The following NALF1 variants were observed in gnomAD, a reference collection of about 807,000 sequenced individuals.
NALF1 encodes NALCN channel auxiliary factor 1, also known as family with sequence similarity 155 member A.
In NALF1, 3 loss-of-function variants were observed where a neutral mutation model predicts 48.4. The observed-to-expected ratio is 0.06, with a 90% confidence interval of 0.03 to 0.16. The LOEUF (loss-of-function observed/expected upper bound fraction) is 0.16. Among genes scored for constraint, NALF1 ranks in the 10% least tolerant of loss-of-function variants. NALF1 has a pLI of 1.00. For missense variants in NALF1, 526 were observed against 571.5 expected, an observed-to-expected ratio of 0.92 and a Z score of 0.81; for synonymous variants, 262 against 245.7, an observed-to-expected ratio of 1.07 and a Z score of -0.62.
At chr13:107,609,941 C>T (rs1177354214) in intron 1 of NALF1, among the ~76,000 whole-genome samples, 1 of 151,916 alleles carries the variant, frequency 6.6e-6, no homozygotes, top group Non-Finnish European at 1.5e-5. Flanking sequence ...AAACAAATGA[C>T]AGGAGGAAAC....
chr13:107,758,170 A>G (rs1877167847), intron 1 of NALF1, among the ~76,000 whole-genome samples: 1 of 152,208 alleles, frequency 6.6e-6, no homozygotes, highest in Admixed American at 6.5e-5. Context: ...AAAAAGATCA[A>G]AAGAACTGTG....
At chr13:107,456,606 A>T (rs1445833300) in intron 1 of NALF1, among the ~76,000 whole-genome samples, 1 of 152,068 alleles carries the variant, frequency 6.6e-6, no homozygotes, top group East Asian at 1.9e-4. Flanking sequence ...CAGCAGTTTT[A>T]TTTTCATGGA....
chr13:107,541,343 T>C (rs953898532), intron 1 of NALF1, among the ~76,000 whole-genome samples: 2 of 152,116 alleles, frequency 1.3e-5, no homozygotes, highest in African/African-American at 4.8e-5. Flanking sequence ...ATTCAGTATG[T>C]CTCTGTCTGC....
chr13:107,266,569 G>A lies in NALF1; in HGVS notation c.916-55814C>T, dbSNP rs148454015. 2.9e-3 allele frequency among the ~76,000 whole-genome samples: 442 copies of A among 152,050 alleles called. 4 individuals carry two copies. The highest frequency in any genetic ancestry group is 9.8e-3 in the African/African-American group (406 of 41,500). On this transcript the variant is annotated intron_variant, in intron 1 of 2. Transcript: ENST00000375915. The stretch of plus-strand genomic sequence containing the variant: ...AGAAGAATTAGATCCCTATAACTAC[G>A]TGTGTGTATGTAGATAAATAAACAC...
chr13:107,326,099 T>TAAA (rs1882360559), intron 1 of NALF1, among the ~76,000 whole-genome samples: 1 of 150,738 alleles, frequency 6.6e-6, no homozygotes, highest in South Asian at 2.1e-4. Context: ...ACAATTTTTT[T>TAAA]AAAAAAATCT....
intron 1 of NALF1, among the ~76,000 whole-genome samples, chr13:107,343,622 G>A (rs1000477465): frequency 5.9e-5 from 9 of 152,000 alleles, no homozygotes; most frequent in African/African-American, 2.2e-4. Context: ...GCCCAGTCTC[G>A]GGTATGTCTT....
At chr13:107,411,106 T>G (rs1173343085) in intron 1 of NALF1, among the ~76,000 whole-genome samples, 2 of 152,114 alleles carry the variant, frequency 1.3e-5, no homozygotes, top group African/African-American at 4.8e-5. Flanking sequence ...ATCTCAGCTT[T>G]CAAGACCTTA....
chr13:107,392,151 G>A (rs1005492987), intron 1 of NALF1, among the ~76,000 whole-genome samples: 6 of 151,966 alleles, frequency 3.9e-5, no homozygotes, highest in Non-Finnish European at 8.8e-5. Context: ...GTCTCCCTTT[G>A]TTGCTGACCT....
At chr13:107,277,663 C>T (rs7325225) in intron 1 of NALF1, among the ~76,000 whole-genome samples, 10,054 of 152,236 alleles carry the variant, frequency 0.066, 547 homozygotes, top group African/African-American at 0.13. Context: ...TAAACTATTT[C>T]GGCTTCTCTC....
intron 1 of NALF1, among the ~76,000 whole-genome samples, chr13:107,655,483 C>A (rs746881218): frequency 6.6e-6 from 1 of 151,994 alleles, no homozygotes; most frequent in South Asian, 2.1e-4. Context: ...AGGAAAACTA[C>A]AAAACACTGC....
At chr13:107,700,765 A>C (rs1410994600) in intron 1 of NALF1, among the ~76,000 whole-genome samples, 1 of 152,024 alleles carries the variant, frequency 6.6e-6, no homozygotes, top group Non-Finnish European at 1.5e-5. Flanking sequence ...TTTATAAAGA[A>C]CTCTTACAAC....
intron 1 of NALF1, among the ~76,000 whole-genome samples, chr13:107,628,208 G>A (rs115497786): frequency 1.2e-3 from 183 of 152,132 alleles, no homozygotes; most frequent in African/African-American, 4.2e-3. Context: ...CCCAAAGCAA[G>A]ATGTTTCCCT....
At chr13:107,821,225 C>A (rs1356452813) in intron 1 of NALF1, among the ~76,000 whole-genome samples, 1 of 152,158 alleles carries the variant, frequency 6.6e-6, no homozygotes, top group Admixed American at 6.5e-5. Flanking sequence ...GAATTGTCTA[C>A]CTGATTTGCT....
chr13:107,274,882 A>T (rs1881249039), intron 1 of NALF1, among the ~76,000 whole-genome samples: 1 of 152,168 alleles, frequency 6.6e-6, no homozygotes, highest in South Asian at 2.1e-4. Context: ...GGAAGCCAAA[A>T]AAATAAGAAG....
chr13:107,521,922 C>T lies in NALF1; in HGVS notation c.916-311167G>A, dbSNP rs190489078. Among the ~76,000 whole-genome samples the T allele has an allele frequency of 2.0e-4, 30 of 151,340 alleles. 2 individuals are homozygous for T. The South Asian group carries it at 6.1e-3, about 31-fold the overall frequency. ...TTTCACAAGCACCTTTCTTCTTCAA[C>T]TTACACACACACACACACATACACA... On this transcript the variant is annotated intron_variant, in intron 1 of 2. Coordinates refer to ENST00000375915, the MANE Select transcript of NALF1 (RefSeq NM_001080396.3).
chr13:107,299,468 T>TAATAATA (rs1330450182), intron 1 of NALF1, among the ~76,000 whole-genome samples: 10 of 59,210 alleles, frequency 1.7e-4, no homozygotes, highest in African/African-American at 3.2e-4. Context: ...ATAATAATAA[T>TAATAATA]AATAAATAAA....
At chr13:107,219,174 A>C (rs1357838149) in intron 1 of NALF1, among the ~76,000 whole-genome samples, 1 of 152,176 alleles carries the variant, frequency 6.6e-6, no homozygotes, top group Admixed American at 6.5e-5. Context: ...GATATAACTC[A>C]ATAGCCTTAT....
intron 1 of NALF1, among the ~76,000 whole-genome samples, chr13:107,826,752 T>C (rs1455914972): frequency 6.6e-6 from 1 of 152,150 alleles, no homozygotes; most frequent in Non-Finnish European, 1.5e-5. Context: ...TTCAGAAACA[T>C]TTCAATTAAA....
chr13:107,613,479 T>C (rs1257740412), intron 1 of NALF1, among the ~76,000 whole-genome samples: 1 of 152,210 alleles, frequency 6.6e-6, no homozygotes. Flanking sequence ...GTCAATGGAA[T>C]ATAACAACCA....
Sources: gnomAD v4.1 joint callset for allele counts (sites outside exome capture counted in the v4.1 genomes callset) on GRCh38, gnomAD v4.1.1 for gene constraint, MANE v1.5 for transcripts, NCBI Gene and HGNC (gene_info 2026-07-23, HGNC 2026-07-21) for gene names.